The following ADGB variants were observed in gnomAD, a reference collection of about 807,000 sequenced individuals.
ADGB encodes the protein calpain-7-like protein.
A neutral mutation model predicts 210.5 loss-of-function variants in ADGB; 172 were observed. The observed-to-expected ratio is 0.82, with a 90% confidence interval of 0.72 to 0.93. The LOEUF is 0.93. Ranked by LOEUF, ADGB falls within the 40% of genes least tolerant of loss-of-function variation. ADGB has a pLI of 0.00. For missense variants in ADGB, 2,025 were observed against 1,964.8 expected (o/e 1.03, Z -0.58); for synonymous variants, 658 against 662.7 (o/e 0.99, Z 0.11).
intron 1 of ADGB, among the ~76,000 whole-genome samples, chr6:146,628,156 C>T (rs1382517905): frequency 6.6e-6 from 1 of 150,708 alleles, no homozygotes; most frequent in Non-Finnish European, 1.5e-5. Flanking sequence ...AATAATATAT[C>T]ACAGGTTTGG....
chr6:146,730,560 A>G (rs1166414992), intron 20 of ADGB, among the ~76,000 whole-genome samples: 2 of 152,210 alleles, frequency 1.3e-5, no homozygotes, highest in African/African-American at 4.8e-5. Context: ...ATACAATTGT[A>G]ACACCTTCAT....
intron 5 of ADGB, among the ~76,000 whole-genome samples, chr6:146,661,220 C>CTTTTTTTTTTTTTTTTTTTTT (rs5880682): frequency 1.7e-5 from 2 of 116,066 alleles, no homozygotes; most frequent in Non-Finnish European, 1.7e-5. Context: ...TTCTTTTTTT[C>CTTTTTTTTTTTTTTTTTTTTT]TTTTTTTTTT....
chr6:146,815,031 G>A lies in ADGB; in HGVS notation c.4819-1G>A, dbSNP rs1778362936. On this transcript the variant is annotated splice_acceptor_variant, in intron 35 of 35. Transcript: ENST00000397944. LOFTEE classifies it high-confidence loss of function. ...TTGTTTGGGGTTTTGCTTTGGAACA[G>A]GACTCCTTAGATGAAGCCCGACAGA... The A allele has an allele frequency of 6.5e-7, 1 of 1,537,044 alleles. No homozygotes were observed. The highest frequency in any genetic ancestry group is 1.4e-5 in the African/African-American group (1 of 71,626).
At chr6:146,630,135 G>A (rs966447776) in intron 1 of ADGB, among the ~76,000 whole-genome samples, 12 of 152,112 alleles carry the variant, frequency 7.9e-5, no homozygotes, top group African/African-American at 2.2e-4. Context: ...TGCTCAGGAG[G>A]CTGAAGGAGG....
At chr6:146,635,289 A>C (rs1442575488) in intron 1 of ADGB, 86 bp from the exon 2 acceptor site, 4 of 1,224,152 alleles carry the variant, frequency 3.3e-6, no homozygotes, top group Non-Finnish European at 4.2e-6. Context: ...AGCTGAGAAG[A>C]CAAATTTATG....
At chr6:146,623,872 A>G (rs1780935704) in intron 1 of ADGB, among the ~76,000 whole-genome samples, 1 of 151,926 alleles carries the variant, frequency 6.6e-6, no homozygotes. Context: ...AGGATGAATT[A>G]CATTGATTGA....
intron 7 of ADGB, among the ~76,000 whole-genome samples, chr6:146,669,723 G>A (rs919057908): frequency 1.3e-5 from 2 of 152,046 alleles, no homozygotes; most frequent in Non-Finnish European, 1.5e-5. Flanking sequence ...CTCCTGTCCT[G>A]TAACTTTAAA....
At chr6:146,795,205 A>G (rs374073116) in intron 33 of ADGB, among the ~76,000 whole-genome samples, 4 of 152,326 alleles carry the variant, frequency 2.6e-5, no homozygotes, top group African/African-American at 9.6e-5. Flanking sequence ...CAGAATGCAG[A>G]GTAACTGCAA....
chr6:146,756,971 C>A (rs1317199960), intron 27 of ADGB, among the ~76,000 whole-genome samples: 1 of 151,994 alleles, frequency 6.6e-6, no homozygotes, highest in Non-Finnish European at 1.5e-5. Flanking sequence ...AAGTGATCCA[C>A]CTGCATCAGC....
chr6:146,793,332 C>G (rs192686733), intron 33 of ADGB, among the ~76,000 whole-genome samples: 1 of 152,102 alleles, frequency 6.6e-6, no homozygotes, highest in Non-Finnish European at 1.5e-5. Context: ...CCCACTTGAC[C>G]CAGGAAGTCA....
At chr6:146,644,969 G>C in intron 3 of ADGB, 104 bp downstream of exon 3, 2 of 580,142 alleles carry the variant, frequency 3.4e-6, no homozygotes, top group Non-Finnish European at 5.7e-6. Flanking sequence ...ATTTTCTCTT[G>C]TGGTATTCAG....
chr6:146,624,198 G>A (rs1441954369), intron 1 of ADGB, among the ~76,000 whole-genome samples: 1 of 151,706 alleles, frequency 6.6e-6, no homozygotes, highest in African/African-American at 2.4e-5. Flanking sequence ...AGCCATCTGG[G>A]TCTGGAGTTT....
In ADGB at chr6:146,676,395, A is replaced by G. The variant is rs753505440; in HGVS notation, c.1170A>G (p.Ser390=). 1.9e-5 allele frequency: 30 copies of G among 1,547,824 alleles called. No homozygotes were observed. Among genetic ancestry groups the G allele is most frequent in the African/African-American group, 5.5e-5 (4 of 72,922 alleles). The part of the protein sequence containing the change: ...KEKFKFSLHG[S]RPSSEVQYSV... ...AATTCAAATTCTCACTTCATGGTTC[A>G]AGACCCTCATCAGAAGTGCAGTACT... Residue 390 remains serine, a synonymous_variant, in exon 9 of 36, where the codon TCA becomes TCG. Transcript: ENST00000397944.
intron 1 of ADGB, among the ~76,000 whole-genome samples, chr6:146,602,686 C>T: frequency 6.6e-6 from 1 of 152,144 alleles, no homozygotes; most frequent in East Asian, 1.9e-4. Context: ...GGGCTGCGGA[C>T]CAGTACCAGT....
intron 22 of ADGB, among the ~76,000 whole-genome samples, chr6:146,736,037 T>C (rs969304272): frequency 5.3e-5 from 8 of 152,244 alleles, no homozygotes; most frequent in African/African-American, 1.9e-4. Flanking sequence ...AATTTGAGGC[T>C]GTTAATAAGG....
At chr6:146,727,820 G>A (rs1348701498) in intron 19 of ADGB, among the ~76,000 whole-genome samples, 1 of 152,168 alleles carries the variant, frequency 6.6e-6, no homozygotes, top group Non-Finnish European at 1.5e-5. Context: ...CTAAGTCAGT[G>A]TGTTCCAGTA....
intron 23 of ADGB, among the ~76,000 whole-genome samples, chr6:146,738,438 CTTTTTTTTTTT>C (rs71031008): frequency 3.1e-4 from 22 of 71,392 alleles, no homozygotes; most frequent in African/African-American, 6.9e-4. Context: ...CCCATTTCAT[CTTTTTTTTTTT>C]TTTTTTTTTT....
chr6:146,678,886 T>C (rs1776120723), intron 9 of ADGB, among the ~76,000 whole-genome samples: 1 of 152,160 alleles, frequency 6.6e-6, no homozygotes, highest in Non-Finnish European at 1.5e-5. Flanking sequence ...ATATATTTCT[T>C]TCTCAATTAA....
intron 3 of ADGB, among the ~76,000 whole-genome samples, chr6:146,645,965 G>T (rs1490322657): frequency 6.6e-6 from 1 of 151,868 alleles, no homozygotes; most frequent in Non-Finnish European, 1.5e-5. Context: ...TGAATTCAGT[G>T]ATATTAATAT....
Sources: gnomAD v4.1 joint callset for allele counts (sites outside exome capture counted in the v4.1 genomes callset) on GRCh38, gnomAD v4.1.1 for gene constraint, MANE v1.5 for transcripts, NCBI Gene and HGNC (gene_info 2026-07-23, HGNC 2026-07-21) for gene names.